Variants in AGBL1 observed in about 807,000 individuals in gnomAD.
The protein encoded by AGBL1 is AGBL carboxypeptidase 1.
AGBL1 carries 130 observed loss-of-function variants against 118.9 expected under a neutral mutation model. That is an observed-to-expected ratio of 1.09 (90% confidence interval 0.95 to 1.26). AGBL1 has a LOEUF of 1.26. AGBL1 is among the 50% of genes most tolerant of loss of function. The pLI, the probability that AGBL1 is intolerant of heterozygous loss-of-function variation, is 0.00. For synonymous variants in AGBL1, 555 were observed against 478.9 expected (o/e 1.16, Z -2.08); for missense variants, 1,584 against 1,298.1 (o/e 1.22, Z -3.38).
intron 21 of AGBL1, among the ~76,000 whole-genome samples, chr15:86,555,586 A>G (rs1019097876): frequency 3.3e-5 from 5 of 152,176 alleles, no homozygotes; most frequent in Admixed American, 3.3e-4. Flanking sequence ...TTGTTACTGA[A>G]TTAATAAATT....
intron 19 of AGBL1, among the ~76,000 whole-genome samples, chr15:86,541,035 C>G (rs2083488188): frequency 6.6e-6 from 1 of 152,102 alleles, no homozygotes. Flanking sequence ...TAGCTTCTGG[C>G]TTTATTGAGA....
chr15:86,673,186 A>G (rs1276289012), intron 21 of AGBL1, among the ~76,000 whole-genome samples: 1 of 152,208 alleles, frequency 6.6e-6, no homozygotes, highest in African/African-American at 2.4e-5. Context: ...TTATAGGAAG[A>G]GAGAAAGATA....
chr15:86,680,379 C>G (rs1215734162), intron 22 of AGBL1, among the ~76,000 whole-genome samples: 1 of 151,912 alleles, frequency 6.6e-6, no homozygotes, highest in Non-Finnish European at 1.5e-5. Context: ...GAATATCCTT[C>G]TCTTCCCTTT....
chr15:86,733,096 A>T (rs2077548062), intron 22 of AGBL1, among the ~76,000 whole-genome samples: 1 of 149,922 alleles, frequency 6.7e-6, no homozygotes, highest in Non-Finnish European at 1.5e-5. Flanking sequence ...TATCTTATAC[A>T]TAGGGATTTA....
At chr15:86,466,110 C>G (rs752019440) in intron 18 of AGBL1, among the ~76,000 whole-genome samples, 1 of 152,146 alleles carries the variant, frequency 6.6e-6, no homozygotes, top group Admixed American at 6.5e-5. Flanking sequence ...TAGAAAAGAA[C>G]CTATGTTGAA....
In AGBL1 at chr15:86,914,376, T is replaced by G. The variant is rs1433051332; in HGVS notation, c.*7082T>G. The G allele has an allele frequency of 6.6e-6, 1 of 152,128 alleles. No homozygotes were observed. The highest frequency in any genetic ancestry group is 2.4e-5 in the African/African-American group (1 of 41,428). 9.4% of individuals were successfully genotyped at this position (152,128 alleles called of 1,614,324 possible). Reference sequence around the variant, plus strand: ...CTCAGTACCAGCTCTGTGGGATAAATGGACATTATGATTGCCATTTTAAAA... The same window carrying G: ...CTCAGTACCAGCTCTGTGGGATAAAGGGACATTATGATTGCCATTTTAAAA... On this transcript the variant is annotated 3_prime_UTR_variant, in exon 23 of 23. Coordinates refer to ENST00000614907, the MANE Select transcript of AGBL1 (RefSeq NM_001386094.1).
intron 17 of AGBL1, among the ~76,000 whole-genome samples, chr15:86,303,564 C>A (rs1346523308): frequency 6.6e-6 from 1 of 151,664 alleles, no homozygotes; most frequent in African/African-American, 2.4e-5. Flanking sequence ...TTTTCAGAGG[C>A]CTAAAAATTA....
intron 6 of AGBL1, among the ~76,000 whole-genome samples, chr15:86,233,214 G>A (rs1243095588): frequency 6.6e-6 from 1 of 152,110 alleles, no homozygotes; most frequent in African/African-American, 2.4e-5. Context: ...CTGGACTCTG[G>A]GTTCAATGCA....
chr15:86,461,059 A>G (rs1350110394), intron 18 of AGBL1, among the ~76,000 whole-genome samples: 1 of 152,136 alleles, frequency 6.6e-6, no homozygotes, highest in African/African-American at 2.4e-5. Flanking sequence ...AATGCATTCT[A>G]GGTCAGTGGA....
At chr15:86,320,700 A>T (rs1427243551) in intron 17 of AGBL1, among the ~76,000 whole-genome samples, 1 of 150,270 alleles carries the variant, frequency 6.7e-6, no homozygotes, top group East Asian at 1.9e-4. Flanking sequence ...TAAGTATGAC[A>T]TTTACTGAAG....
At chr15:86,348,804 G>A (rs1295436448) in intron 17 of AGBL1, among the ~76,000 whole-genome samples, 2 of 150,236 alleles carry the variant, frequency 1.3e-5, no homozygotes, top group Non-Finnish European at 3.0e-5. Context: ...AAAAAGCAGA[G>A]AGGAGGATGC....
chr15:86,620,364 T>C (rs1902164917), intron 21 of AGBL1, among the ~76,000 whole-genome samples: 1 of 152,194 alleles, frequency 6.6e-6, no homozygotes, highest in Admixed American at 6.5e-5. Flanking sequence ...TTGAGTTACA[T>C]AGAGAAGCAA....
chr15:86,205,941 T>G (rs1186800324), intron 5 of AGBL1, among the ~76,000 whole-genome samples: 6 of 152,184 alleles, frequency 3.9e-5, no homozygotes, highest in Non-Finnish European at 8.8e-5. Context: ...AACTCGTCAT[T>G]TACATTAGGT....
intron 1 of AGBL1, among the ~76,000 whole-genome samples, chr15:86,098,740 G>A (rs117470683): frequency 1.8e-4 from 28 of 152,208 alleles, no homozygotes; most frequent in Non-Finnish European, 3.2e-4. Flanking sequence ...TAGAAGTCAG[G>A]TAGTGTAATG....
intron 7 of AGBL1, among the ~76,000 whole-genome samples, chr15:86,255,300 G>T (rs1170561320): frequency 6.6e-6 from 1 of 152,076 alleles, no homozygotes; most frequent in Non-Finnish European, 1.5e-5. Flanking sequence ...CAGACCAAAG[G>T]GTGAAATAGC....
chr15:86,859,503 G>A (rs536680440), intron 22 of AGBL1, among the ~76,000 whole-genome samples: 1 of 152,314 alleles, frequency 6.6e-6, no homozygotes, highest in South Asian at 2.1e-4. Flanking sequence ...CTCCCATGAA[G>A]AGTACTGTCC....
At chr15:86,917,779 G>GGA (rs3030238), downstream of AGBL1, among the ~76,000 whole-genome samples, 2 of 129,554 alleles carry the variant, frequency 1.5e-5, no homozygotes, top group Admixed American at 1.5e-4. This position sits in a 1 kb window ranked among gnomAD's most constrained non-coding sequence, Gnocchi z 4.8. Context: ...TGGGAGAGAA[G>GGA]GAGAGAGAGA....
rs530832848 is a variant in AGBL1, at chr15:86,299,718, G to T, written c.2374+4310G>T. On this transcript the variant is annotated intron_variant, in intron 17 of 22. Transcript: ENST00000614907. ...CCTTCAACACATTATATGTGAATAG[G>T]TACTTTGATTAGCATACCCTTTGAA... is the stretch of plus-strand genomic sequence containing the variant. 8 of 152,158 alleles carry T rather than the reference G, an allele frequency of 5.3e-5. No individual in the cohort carries two copies. In the East Asian group the frequency reaches 1.5e-3, roughly 29 times the overall value. The allele number at this position is 152,158 out of a possible 1,614,324, so 9.4% of individuals were successfully genotyped here.
intron 1 of AGBL1, among the ~76,000 whole-genome samples, chr15:86,127,077 A>C (rs532104544): frequency 5.9e-5 from 9 of 152,204 alleles, no homozygotes; most frequent in Non-Finnish European, 1.0e-4. Context: ...AGAAACTTAA[A>C]GCTGTAGTCC....
Sources: gnomAD v4.1 joint callset for allele counts (sites outside exome capture counted in the v4.1 genomes callset) on GRCh38, gnomAD v4.1.1 for gene constraint, Gnocchi (gnomAD v3.1) non-coding constraint, MANE v1.5 for transcripts, NCBI Gene and HGNC (gene_info 2026-07-23, HGNC 2026-07-21) for gene names.